WWOX: variants seen among roughly 807,000 people sequenced by gnomAD.
WWOX encodes the protein WW domain-containing oxidoreductase.
A neutral mutation model predicts 46.2 loss-of-function variants in WWOX; 69 were observed. The ratio of observed to expected loss-of-function variants is 1.49; its 90% CI spans 1.23 to 1.82. WWOX has a LOEUF of 1.82. Ranked by LOEUF, WWOX falls within the 40% of genes most tolerant of loss-of-function variation. WWOX has a pLI of 0.00. For synonymous variants in WWOX, 359 were observed against 202.6 expected (o/e 1.77, Z -6.56); for missense variants, 919 against 542.6 (o/e 1.69, Z -6.89).
Position 79,212,451 on chromosome 16 carries a change from C to A in WWOX, c.*655C>A, listed in dbSNP as rs2051799293. ...GCAAAAAATTCTTTAGAGATTATAA[C>A]AAATTTTTCAAATCATTCCTTAGAT... On this transcript the variant is annotated 3_prime_UTR_variant, in exon 9 of 9. Transcript: ENST00000566780. 3.9e-6 allele frequency: 1 copy of A among 256,396 alleles called. No homozygotes were observed. 15.9% of individuals were successfully genotyped at this position (256,396 alleles called of 1,614,324 possible).
At chr16:78,730,968 A>C (rs1214304668) in intron 8 of WWOX, among the ~76,000 whole-genome samples, 1 of 152,178 alleles carries the variant, frequency 6.6e-6, no homozygotes, top group Non-Finnish European at 1.5e-5. Context: ...TCATTAACAA[A>C]GTAACTCAAC....
chr16:78,335,818 A>G (rs1337858228), intron 5 of WWOX, among the ~76,000 whole-genome samples: 1 of 152,136 alleles, frequency 6.6e-6, no homozygotes, highest in Non-Finnish European at 1.5e-5. Flanking sequence ...CTAGCTGAGC[A>G]TGATGACTCA....
chr16:78,175,050 T>C (rs2035294712), intron 5 of WWOX, among the ~76,000 whole-genome samples: 1 of 151,314 alleles, frequency 6.6e-6, no homozygotes, highest in Non-Finnish European at 1.5e-5. Flanking sequence ...CTAAGGTTAT[T>C]AACCATTAAG....
intron 8 of WWOX, among the ~76,000 whole-genome samples, chr16:78,884,237 C>A (rs893137554): frequency 7.2e-6 from 1 of 139,242 alleles, no homozygotes; most frequent in Non-Finnish European, 1.5e-5. Context: ...TAGGTCCCTG[C>A]ACTCCAGCTT....
chr16:78,862,977 T>TTTTA (rs2043923677), intron 8 of WWOX, among the ~76,000 whole-genome samples: 1 of 150,724 alleles, frequency 6.6e-6, no homozygotes. Context: ...TTTTTTTTTT[T>TTTTA]GAGATGGAGT....
chr16:78,597,286 C>T (rs1441930034), intron 8 of WWOX, among the ~76,000 whole-genome samples: 1 of 152,162 alleles, frequency 6.6e-6, no homozygotes, highest in African/African-American at 2.4e-5. Flanking sequence ...GTCAGTCAAT[C>T]AATTAAACGG....
chr16:79,025,524 G>C (rs549399334), intron 8 of WWOX, among the ~76,000 whole-genome samples: 7 of 152,044 alleles, frequency 4.6e-5, no homozygotes, highest in African/African-American at 1.4e-4. Flanking sequence ...TCCCCCACAA[G>C]CCAGGGAGCA....
chr16:78,487,875 G>C (rs535100990), intron 8 of WWOX, among the ~76,000 whole-genome samples: 4 of 152,210 alleles, frequency 2.6e-5, no homozygotes, highest in African/African-American at 9.6e-5. Flanking sequence ...AGGGCATAAG[G>C]CAACCTTATG....
chr16:78,842,327 C>CT (rs2052174068), intron 8 of WWOX, among the ~76,000 whole-genome samples: 1 of 128,440 alleles, frequency 7.8e-6, no homozygotes, highest in Admixed American at 8.0e-5. Context: ...GACCCCATCT[C>CT]TAAAAAAAAA....
chr16:78,932,368 AC>A (rs2045642080), intron 8 of WWOX, among the ~76,000 whole-genome samples: 1 of 152,082 alleles, frequency 6.6e-6, no homozygotes. Flanking sequence ...CCGTTTTTCC[AC>A]CCTGGTGTTT....
chr16:78,620,385 G>A (rs189413383), intron 8 of WWOX, among the ~76,000 whole-genome samples: 1 of 152,324 alleles, frequency 6.6e-6, no homozygotes, highest in East Asian at 1.9e-4. Flanking sequence ...TCCTCCAACA[G>A]ACTCGTGTAG....
At chr16:78,624,238 C>G (rs1369210260) in intron 8 of WWOX, among the ~76,000 whole-genome samples, 2 of 149,532 alleles carry the variant, frequency 1.3e-5, no homozygotes, top group Non-Finnish European at 3.0e-5. Flanking sequence ...AATCATGTTC[C>G]CTTCGGAAAA....
At chr16:79,109,946 T>C (rs2049384837) in intron 8 of WWOX, among the ~76,000 whole-genome samples, 1 of 152,180 alleles carries the variant, frequency 6.6e-6, no homozygotes, top group Non-Finnish European at 1.5e-5. Flanking sequence ...AAAATGTCAG[T>C]TGCATGGAAA....
At chr16:78,528,904 G>GA (rs1242153360) in intron 8 of WWOX, among the ~76,000 whole-genome samples, 2 of 150,964 alleles carry the variant, frequency 1.3e-5, no homozygotes, top group Admixed American at 6.6e-5. Flanking sequence ...CAGTTGTTTA[G>GA]AAAAAAACTT....
intron 8 of WWOX, among the ~76,000 whole-genome samples, chr16:79,086,542 C>T (rs1260455357): frequency 1.3e-5 from 2 of 152,184 alleles, no homozygotes; most frequent in Non-Finnish European, 2.9e-5. Flanking sequence ...ATGAATGCTT[C>T]TCTCCCTCTG....
intron 8 of WWOX, among the ~76,000 whole-genome samples, chr16:79,173,303 G>GTGCCATC (rs72016295): frequency 1.3e-5 from 2 of 152,090 alleles, no homozygotes; most frequent in African/African-American, 4.8e-5. Context: ...CATGTGCCAT[G>GTGCCATC]TGCCATCTTA....
At chr16:79,083,292 T>C (rs576369121) in intron 8 of WWOX, among the ~76,000 whole-genome samples, 10 of 152,156 alleles carry the variant, frequency 6.6e-5, no homozygotes, top group Non-Finnish European at 1.3e-4. Flanking sequence ...GATGGAAATA[T>C]TAAGAGCCAG....
Position 78,690,184 on chromosome 16 carries a change from C to G in WWOX, c.1056+257432C>G, listed in dbSNP as rs546829995. On this transcript the variant is annotated intron_variant, in intron 8 of 8. Coordinates refer to ENST00000566780, the MANE Select transcript of WWOX (RefSeq NM_016373.4). Reference sequence around the variant, plus strand: ...CCAGGATAACTTTTTAACAACCCCCCCTCCACACTGCCAACTTTTTGAGGA... The same window carrying G: ...CCAGGATAACTTTTTAACAACCCCCGCTCCACACTGCCAACTTTTTGAGGA... Among the ~76,000 whole-genome samples, 8 of 152,218 alleles carry G rather than the reference C, an allele frequency of 5.3e-5. No homozygotes were observed. The South Asian group carries it at 1.5e-3, about 28-fold the overall frequency.
intron 8 of WWOX, among the ~76,000 whole-genome samples, chr16:79,030,072 G>A (rs1056141366): frequency 9.9e-5 from 15 of 152,104 alleles, no homozygotes; most frequent in Admixed American, 7.2e-4. Flanking sequence ...AAAAAAAATA[G>A]CATCTGCCCA....
Sources: gnomAD v4.1 joint callset for allele counts (sites outside exome capture counted in the v4.1 genomes callset) on GRCh38, gnomAD v4.1.1 for gene constraint, MANE v1.5 for transcripts, NCBI Gene and HGNC (gene_info 2026-07-23, HGNC 2026-07-21) for gene names.